Variants in PDE3B observed in about 807,000 individuals in gnomAD.
PDE3B encodes the protein phosphodiesterase 3B.
Under a neutral mutation model 116.8 loss-of-function variants are expected in PDE3B, and 66 were observed. That is an observed-to-expected ratio of 0.56 (90% CI 0.46 to 0.69). PDE3B has a LOEUF of 0.69. PDE3B is among the 30% of genes least tolerant of loss of function. The probability of loss-of-function intolerance (pLI) is 0.00; values close to 1 mark genes in which losing one functional copy is unlikely to be tolerated. For synonymous variants in PDE3B, 595 were observed against 533.6 expected (o/e 1.12, Z -1.59); for missense variants, 1,384 against 1,368.1 (o/e 1.01, Z -0.18).
At chr11:14,861,141 A>G (rs1847942208) in intron 13 of PDE3B, 64 bp from the exon 14 acceptor site, 7 of 1,315,528 alleles carry the variant, frequency 5.3e-6, no homozygotes, top group Non-Finnish European at 7.5e-6. Context: ...TGGTAAAAGC[A>G]AACAAAACAA....
intron 1 of PDE3B, among the ~76,000 whole-genome samples, chr11:14,659,830 C>G (rs1853837116): frequency 6.6e-6 from 1 of 152,176 alleles, no homozygotes; most frequent in Non-Finnish European, 1.5e-5. Flanking sequence ...TCTGCTTACC[C>G]TGAATAGATC....
chr11:14,740,047 T>C (rs1420240578), intron 1 of PDE3B, among the ~76,000 whole-genome samples: 1 of 152,186 alleles, frequency 6.6e-6, no homozygotes, highest in Non-Finnish European at 1.5e-5. Flanking sequence ...TCATTAGGTA[T>C]ATTGGCCAAA....
intron 1 of PDE3B, among the ~76,000 whole-genome samples, chr11:14,716,347 G>A (rs1173216743): frequency 6.6e-6 from 1 of 152,016 alleles, no homozygotes; most frequent in African/African-American, 2.4e-5. Flanking sequence ...TGGGGGAGGG[G>A]AGCCCGCCAT....
chr11:14,780,735 CT>C (rs1857964642), intron 2 of PDE3B, among the ~76,000 whole-genome samples: 1 of 151,990 alleles, frequency 6.6e-6, no homozygotes, highest in African/African-American at 2.4e-5. Flanking sequence ...AATTGACACC[CT>C]AATATCACAA....
chr11:14,748,678 A>T (rs1856978109), intron 1 of PDE3B, among the ~76,000 whole-genome samples: 2 of 152,124 alleles, frequency 1.3e-5, no homozygotes, highest in South Asian at 4.1e-4. Context: ...TTCCAATGGA[A>T]TTCTCACTTT....
At chr11:14,671,602 T>C (rs567589025) in intron 1 of PDE3B, among the ~76,000 whole-genome samples, 121 of 152,308 alleles carry the variant, frequency 7.9e-4, no homozygotes, top group African/African-American at 2.7e-3. Flanking sequence ...TTATGGGCTA[T>C]TGACGGAATA....
rs112084502 is a variant in PDE3B, at chr11:14,674,273, C to A, written c.978+29220C>A. The A allele has an allele frequency of 2.2e-5, 25 of 1,123,792 alleles. No homozygotes were observed. The Admixed American group carries it at 3.6e-4, about 16-fold the overall frequency. 69.6% of individuals were successfully genotyped at this position (1,123,792 alleles called of 1,614,324 possible). ...TGTTGGAGACCAGATGTCTTCTTTC[C>A]TGGGGCAGCCCCTATCGTCTTCCCC... On this transcript the variant is annotated intron_variant, in intron 1 of 15. Coordinates refer to ENST00000282096, the MANE Select transcript of PDE3B (RefSeq NM_000922.4).
chr11:14,892,324 G>T, the PDE3B span: 1 of 964,934 alleles, frequency 1.0e-6, no homozygotes, highest in Non-Finnish European at 1.6e-6. Context: ...CGTGGCCATT[G>T]GCTGACTGAG....
chr11:14,767,723 C>A (rs1857533938), intron 1 of PDE3B, among the ~76,000 whole-genome samples: 1 of 151,214 alleles, frequency 6.6e-6, no homozygotes, highest in Admixed American at 6.6e-5. Flanking sequence ...TCAAAATTAA[C>A]CTTATAGTTC....
intron 1 of PDE3B, among the ~76,000 whole-genome samples, chr11:14,752,648 A>G (rs1191858956): frequency 2.0e-5 from 3 of 152,086 alleles, no homozygotes; most frequent in Non-Finnish European, 4.4e-5. Flanking sequence ...TCCATTGAAT[A>G]TATCTAGACT....
At chr11:14,823,695 C>T (rs1859592158) in intron 7 of PDE3B, among the ~76,000 whole-genome samples, 1 of 152,194 alleles carries the variant, frequency 6.6e-6, no homozygotes, top group Non-Finnish European at 1.5e-5. Context: ...TGCTGTTTTA[C>T]ACCCTTCACT....
Position 14,848,967 on chromosome 11 carries a change from C to A in PDE3B, c.2520+4941C>A, listed in dbSNP as rs867033953. On this transcript the variant is annotated intron_variant, in intron 12 of 15. Coordinates refer to ENST00000282096, the MANE Select transcript of PDE3B (RefSeq NM_000922.4). The stretch of plus-strand genomic sequence containing the variant: ...CATCAAGCTACCAATGACTTTCTTC[C>A]CAGAATTGGAAAAAACTACTTTAAA... 1.7e-3 allele frequency among the ~76,000 whole-genome samples: 254 copies of A among 152,084 alleles called. 1 individual carries two copies. Among genetic ancestry groups the A allele is most frequent in the African/African-American group, 4.5e-3 (188 of 41,510 alleles).
chr11:14,864,927 G>C (rs1848016255), intron 14 of PDE3B, among the ~76,000 whole-genome samples: 1 of 152,106 alleles, frequency 6.6e-6, no homozygotes, highest in African/African-American at 2.4e-5. Context: ...ACAATTAAAA[G>C]AACTAGAGAA....
chr11:14,694,848 C>A (rs1392007733), intron 1 of PDE3B, among the ~76,000 whole-genome samples: 2 of 152,132 alleles, frequency 1.3e-5, no homozygotes, highest in Non-Finnish European at 2.9e-5. Flanking sequence ...CTCCAAATTA[C>A]AGAATGAAGC....
intron 2 of PDE3B, among the ~76,000 whole-genome samples, chr11:14,785,829 T>G (rs2122942): frequency 0.51 from 76,974 of 151,694 alleles, 19,530 homozygotes; most frequent in Admixed American, 0.55. Flanking sequence ...ATATTTTTCT[T>G]TATTTTTATC....
the PDE3B span, chr11:14,887,666 C>T: frequency 1.0e-6 from 1 of 984,788 alleles, no homozygotes; most frequent in Non-Finnish European, 1.2e-6. Context: ...GTCTCTTTCC[C>T]TCACCCAAAC....
intron 2 of PDE3B, chr11:14,773,268 A>C (rs931200788): frequency 6.6e-5 from 10 of 152,008 alleles, no homozygotes; most frequent in Non-Finnish European, 1.5e-4. Context: ...TACATTGTTT[A>C]TGTTTGTTAA....
chr11:14,890,865 T>G, the PDE3B span: 1 of 985,242 alleles, frequency 1.0e-6, no homozygotes, highest in Admixed American at 6.1e-5. Context: ...CCAATCCTTG[T>G]AAAAATTGGT....
intron 1 of PDE3B, among the ~76,000 whole-genome samples, chr11:14,723,952 C>G (rs1856203170): frequency 6.6e-6 from 1 of 152,108 alleles, no homozygotes; most frequent in Non-Finnish European, 1.5e-5. Context: ...ATTCTACTTC[C>G]TAAGGGAAGC....
Sources: allele counts gnomAD v4.1 joint callset (sites outside exome capture counted in the v4.1 genomes callset), GRCh38; gene constraint gnomAD v4.1.1; transcripts MANE v1.5; gene names NCBI Gene and HGNC (gene_info 2026-07-23, HGNC 2026-07-21).